Variants in DCBLD2 observed in about 807,000 individuals in gnomAD.
The protein encoded by DCBLD2 is discoidin, CUB and LCCL domain containing 2.
Under a neutral mutation model 86.8 loss-of-function variants are expected in DCBLD2, and 54 were observed. The ratio of observed to expected loss-of-function variants is 0.62; its 90% confidence interval spans 0.50 to 0.78. DCBLD2 has a LOEUF of 0.78. Among genes scored for constraint, DCBLD2 ranks in the 30% least tolerant of loss-of-function variants. DCBLD2 has a pLI of 0.00. For missense variants in DCBLD2, 908 were observed against 954.2 expected, an observed-to-expected ratio of 0.95 and a Z score of 0.64; for synonymous variants, 354 against 341.3, an observed-to-expected ratio of 1.04 and a Z score of -0.41.
intron 2 of DCBLD2, among the ~76,000 whole-genome samples, chr3:98,857,054 T>G (rs904259624): frequency 1.3e-5 from 2 of 152,220 alleles, no homozygotes; most frequent in African/African-American, 4.8e-5. Flanking sequence ...GTCCGGAGTT[T>G]GTTCTTTCTG....
At position 98,817,905 on chromosome 3, in the gene DCBLD2, A is replaced by G. The variant is rs1365069047; in HGVS notation, c.1088-12T>C. 1.2e-6 allele frequency: 2 copies of G among 1,611,826 alleles called. No homozygotes were observed. The highest frequency in any genetic ancestry group is 2.7e-5 in the African/African-American group (2 of 74,864). ...AGTGGTTATAATGCCTGGGGAATGA[A>G]GAGTTGCTTTCATTAATGCACATGG... On this transcript the variant is annotated splice_polypyrimidine_tract_variant and intron_variant, in intron 8 of 15. Transcript: ENST00000326840.
intron 2 of DCBLD2, among the ~76,000 whole-genome samples, chr3:98,867,807 GT>G (rs71625507): frequency 0.063 from 9,046 of 143,172 alleles, 286 homozygotes; most frequent in Non-Finnish European, 0.073. Flanking sequence ...GTTGTTTTTT[GT>G]TTTTTTTTTT....
chr3:98,800,717 C>A lies in DCBLD2; in HGVS notation c.1721-1G>T. 1 of 1,613,920 alleles carries A rather than the reference C, an allele frequency of 6.2e-7. No individual in the cohort carries two copies. The highest frequency in any genetic ancestry group is 8.5e-7 in the Non-Finnish European group (1 of 1,179,842). On this transcript the variant is annotated splice_acceptor_variant, in intron 14 of 15. Transcript: ENST00000326840. LOFTEE classifies it high-confidence loss of function. ...AACTGCTTCATTCCTTTCCACCAAC[C>A]TTCATTGTGACGGCAAGCCAAAGAG...
chr3:98,811,703 A>T, intron 10 of DCBLD2, 149 bp from the exon 11 acceptor site: 2 of 739,092 alleles, frequency 2.7e-6, no homozygotes, highest in Non-Finnish European at 4.1e-6. Flanking sequence ...GGAAGGATAA[A>T]TATTATACTC....
chr3:98,863,960 T>A (rs149494785), intron 2 of DCBLD2, among the ~76,000 whole-genome samples: 1,953 of 152,294 alleles, frequency 0.013, 25 homozygotes, highest in Non-Finnish European at 0.019. Flanking sequence ...TCTACTCATC[T>A]GACAAAGGGC....
At chr3:98,881,827 G>T in intron 1 of DCBLD2, 60 bp from the exon 2 acceptor site, 1 of 1,497,024 alleles carries the variant, frequency 6.7e-7, no homozygotes. Flanking sequence ...CCTCTATAAT[G>T]ATTTTTTTGT....
chr3:98,836,665 G>T (rs1942460795), intron 3 of DCBLD2, among the ~76,000 whole-genome samples: 1 of 122,574 alleles, frequency 8.2e-6, no homozygotes, highest in African/African-American at 3.0e-5. Context: ...TTCCCAGTAG[G>T]GGCGGCCGGG....
Position 98,799,505 on chromosome 3 carries a change from T to A in DCBLD2, c.2195A>T (p.Tyr732Phe). ...TDSCSSAQAQ[Y>F]DTPKAGKPGL... ...TGGCTTCCCAGCTTTCGGGGTATCA[T>A]ACTGGGCCTGGGCTGAGGAGCAGCT... The change falls in exon 16 of 16, where the codon TAT (tyrosine) becomes TTT (phenylalanine). Residue 732 changes from tyrosine to phenylalanine, a missense_variant. Physicochemically the swap from Tyr to Phe is conservative, Grantham distance 22 (BLOSUM62 3). This residue lies in a region of DCBLD2 where 606 missense variants were observed against 678.5 expected (regional missense o/e 0.89). Coordinates refer to ENST00000326840, the MANE Select transcript of DCBLD2 (RefSeq NM_080927.4). 5 of 1,614,026 alleles carry A rather than the reference T, an allele frequency of 3.1e-6. No individual in the cohort carries two copies. The highest frequency in any genetic ancestry group is 4.2e-6 in the Non-Finnish European group (5 of 1,179,888).
chr3:98,817,506 A>AAATT (rs1942043927), intron 9 of DCBLD2, among the ~76,000 whole-genome samples: 1 of 152,232 alleles, frequency 6.6e-6, no homozygotes, highest in Admixed American at 6.5e-5. Context: ...CTTTCTTAAT[A>AAATT]AAGTGTCTAA....
intron 3 of DCBLD2, among the ~76,000 whole-genome samples, chr3:98,843,122 G>T (rs1576176715): frequency 6.6e-6 from 1 of 152,156 alleles, no homozygotes; most frequent in East Asian, 1.9e-4. Context: ...TGCAAAATTG[G>T]TAACACTTTG....
intron 2 of DCBLD2, among the ~76,000 whole-genome samples, chr3:98,867,855 T>A (rs1296502852): frequency 4.0e-5 from 6 of 151,584 alleles, no homozygotes. Flanking sequence ...CAGGCTGGAG[T>A]GCAGTGGCAC....
intron 2 of DCBLD2, among the ~76,000 whole-genome samples, chr3:98,858,854 C>A (rs1428600913): frequency 1.3e-5 from 2 of 152,184 alleles, no homozygotes; most frequent in African/African-American, 4.8e-5. Flanking sequence ...ATAGGAACAG[C>A]TCCAGTCTAT....
intron 7 of DCBLD2, among the ~76,000 whole-genome samples, chr3:98,819,719 G>A (rs545421906): frequency 6.6e-6 from 1 of 152,248 alleles, no homozygotes. Context: ...CCTCCTTCAG[G>A]TTTTTGGCCT....
intron 13 of DCBLD2, among the ~76,000 whole-genome samples, chr3:98,806,233 C>T (rs1437937141): frequency 6.6e-6 from 1 of 152,124 alleles, no homozygotes; most frequent in Non-Finnish European, 1.5e-5. Context: ...TGCATTCCAT[C>T]TGTGTAGAGA....
At chr3:98,837,863 G>C (rs1942502542) in intron 3 of DCBLD2, among the ~76,000 whole-genome samples, 1 of 144,764 alleles carries the variant, frequency 6.9e-6, no homozygotes, top group African/African-American at 2.6e-5. Flanking sequence ...CTGGCCATGC[G>C]GGGGGCTGAC....
chr3:98,882,096 T>G (rs1016386602), intron 1 of DCBLD2, among the ~76,000 whole-genome samples: 5 of 152,202 alleles, frequency 3.3e-5, no homozygotes, highest in African/African-American at 9.6e-5. Context: ...TAGCTGTAAC[T>G]TTGTATCCTT....
At chr3:98,809,763 G>A (rs544450485) in intron 12 of DCBLD2, among the ~76,000 whole-genome samples, 133 of 152,266 alleles carry the variant, frequency 8.7e-4, no homozygotes, top group African/African-American at 2.8e-3. Flanking sequence ...AACTACAGAG[G>A]CACAAATCTG....
chr3:98,821,667 CAG>C (rs1372189606), intron 6 of DCBLD2, among the ~76,000 whole-genome samples: 2 of 151,772 alleles, frequency 1.3e-5, no homozygotes, highest in African/African-American at 4.8e-5. Flanking sequence ...TTAGAAAAGA[CAG>C]AAGAAACACA....
At chr3:98,899,110 A>C (rs1471802678) in intron 1 of DCBLD2, among the ~76,000 whole-genome samples, 2 of 151,988 alleles carry the variant, frequency 1.3e-5, no homozygotes, top group Non-Finnish European at 2.9e-5. Flanking sequence ...TTTAATTATC[A>C]GAATCATTTC....
Sources: allele counts gnomAD v4.1 joint callset (sites outside exome capture counted in the v4.1 genomes callset), GRCh38; gene constraint gnomAD v4.1.1; regional missense constraint gnomAD v4.1.1; transcripts MANE v1.5; gene names NCBI Gene and HGNC (gene_info 2026-07-23, HGNC 2026-07-21).